Variants in RAD51D observed in about 807,000 individuals in gnomAD.
RAD51D encodes the protein RAD51 paralog D, also known as DNA repair protein RAD51 homolog 4.
A neutral mutation model predicts 44.1 loss-of-function variants in RAD51D; 38 were observed. The observed-to-expected ratio is 0.86, with a 90% CI of 0.67 to 1.13. The LOEUF is 1.13. RAD51D is among the 50% of genes most tolerant of loss of function. The pLI, the probability that RAD51D is intolerant of heterozygous loss-of-function variation, is 0.00. For synonymous variants in RAD51D, 141 were observed against 166.6 expected, an observed-to-expected ratio of 0.85 and a Z score of 1.18; for missense variants, 390 against 414.0, an observed-to-expected ratio of 0.94 and a Z score of 0.50.
In RAD51D at chr17:35,118,725, T is replaced by G. The variant is rs991663814; in HGVS notation, c.145-106A>C. 1.6e-5 allele frequency: 14 copies of G among 898,372 alleles called. No homozygotes were observed. In the African/African-American group the frequency reaches 2.3e-4, roughly 15 times the overall value. 55.7% of individuals were successfully genotyped at this position (898,372 alleles called of 1,614,324 possible). A position where few individuals can be genotyped will look rare whatever the true frequency, so the allele number is the denominator to read the frequency against. ...AATATCTGAGAACCCTCTGCTCCCT[T>G]TGGCTTGGGATGGACTTTTGTTATT... On this transcript the variant is annotated intron_variant, in intron 2 of 9. Transcript: ENST00000345365.
rs2142417455 is a variant in RAD51D, at chr17:35,103,202, A to G, written c.738+52T>C. ...AGAAGCTGACATTTAAGGGAAATAA[A>G]GAGCTCGCAATAACTAGAAATCAAG... On this transcript the variant is annotated intron_variant, in intron 8 of 9. Coordinates refer to ENST00000345365, the MANE Select transcript of RAD51D (RefSeq NM_002878.4). This position sits in a 1 kb window ranked among gnomAD's most constrained non-coding sequence, Gnocchi z 4.1. The G allele has an allele frequency of 6.5e-7, 1 of 1,529,978 alleles. No homozygotes were observed. The highest frequency in any genetic ancestry group is 1.2e-5 in the South Asian group (1 of 84,350). 94.8% of individuals were successfully genotyped at this position (1,529,978 alleles called of 1,614,324 possible).
intron 4 of RAD51D, 90 bp from the exon 5 acceptor site, chr17:35,107,212 C>T: frequency 6.5e-7 from 1 of 1,541,272 alleles, no homozygotes; most frequent in Non-Finnish European, 9.0e-7. Flanking sequence ...TCCAGCAACA[C>T]AAATGGGCTG....
chr17:35,117,212 C>A (rs1277478694), intron 3 of RAD51D, among the ~76,000 whole-genome samples: 1 of 152,210 alleles, frequency 6.6e-6, no homozygotes, highest in African/African-American at 2.4e-5. Flanking sequence ...TATGTATCAT[C>A]TGCACATACC....
At chr17:35,118,347 G>T (rs993973591) in intron 3 of RAD51D, among the ~76,000 whole-genome samples, 154 bp downstream of exon 3, 3 of 152,080 alleles carry the variant, frequency 2.0e-5, no homozygotes, top group Non-Finnish European at 2.9e-5. Flanking sequence ...CCCTGTTATA[G>T]GATAAGAATT....
rs1423192061 is a variant in RAD51D at position 35,118,584 on chromosome 17, C to A, written c.180G>T (p.Gln60His). ...LVALRRVLLA[Q>H]FSAFPVNGAD... ...CGCCATTCACGGGGAAAGCCGAGAACTGAGCCAGCAGCACCCGCCTCAGGG... is the reference window on the plus strand; with the variant it reads ...CGCCATTCACGGGGAAAGCCGAGAAATGAGCCAGCAGCACCCGCCTCAGGG... Residue 60 changes from glutamine (Q) to histidine (H), a missense_variant, in exon 3 of 10, where the codon CAG (glutamine) becomes CAT (histidine). Coordinates refer to ENST00000345365, the MANE Select transcript of RAD51D (RefSeq NM_002878.4). 2 of 1,614,184 alleles carry A rather than the reference C, an allele frequency of 1.2e-6. No individual in the cohort carries two copies. Among genetic ancestry groups the A allele is most frequent in the Non-Finnish European group, 1.7e-6 (2 of 1,180,044 alleles).
At position 35,112,739 on chromosome 17, in the gene RAD51D, A is replaced by G. The variant is rs553659134; in HGVS notation, c.264-5292T>C. ...GTTCACTGTGAGTATAGAGAAATGC[A>G]GTTGATTTGTATGTGTTGGTCTTGT... is the stretch of plus-strand genomic sequence containing the variant. On this transcript the variant is annotated intron_variant, in intron 3 of 9. Transcript: ENST00000345365. Among the ~76,000 whole-genome samples the G allele has an allele frequency of 3.9e-4, 60 of 152,290 alleles. 1 individual carries two copies. In the South Asian group the frequency reaches 0.012, roughly 29 times the overall value.
Position 35,106,990 on chromosome 17 carries a change from G to A in RAD51D, c.478C>T (p.Gln160Ter), listed in dbSNP as rs1057521922. Residue 160 changes from glutamine to a stop codon, truncating the protein, a stop_gained and splice_region_variant, in exon 5 of 10, where the codon CAG becomes TAG. Coordinates refer to ENST00000345365, the MANE Select transcript of RAD51D (RefSeq NM_002878.4). LOFTEE classifies it high-confidence loss of function. The part of the protein sequence containing the change: ...LQAKTQDEEE[Q>*]AEALRRIQVV... ...GGAACCCAGCATCCTGCCCTTACCT[G>A]TTCCTCCTCATCCTGGGTTTTAGCC... is the stretch of plus-strand genomic sequence containing the variant. The A allele has an allele frequency of 9.3e-6, 15 of 1,614,188 alleles. No individual in the cohort carries two copies. Among genetic ancestry groups the A allele is most frequent in the Non-Finnish European group, 1.3e-5 (15 of 1,180,038 alleles).
chr17:35,111,178 A>G (rs2142448384), intron 3 of RAD51D, among the ~76,000 whole-genome samples: 1 of 152,078 alleles, frequency 6.6e-6, no homozygotes, highest in African/African-American at 2.4e-5. Context: ...CAGGAGTTCG[A>G]GACCAGCCTG....
intron 1 of RAD51D, 161 bp from the exon 2 acceptor site, chr17:35,119,333 T>G (rs1363228958): frequency 7.8e-6 from 7 of 898,228 alleles, no homozygotes; most frequent in African/African-American, 4.9e-5. Flanking sequence ...CGCGGTGCCC[T>G]GCACACAGTA....
Position 35,117,486 on chromosome 17 carries a change from G to A in RAD51D, c.263+1015C>T, listed in dbSNP as rs546648511. On this transcript the variant is annotated intron_variant, in intron 3 of 9. Transcript: ENST00000345365. ...TCCCCAACCCACCAAACAACGTGGC[G>A]GGACATAACTGCTCCTTTTTTTTGA... 3.3e-5 allele frequency among the ~76,000 whole-genome samples: 5 copies of A among 152,198 alleles called. No individual in the cohort carries two copies. The East Asian group carries it at 7.7e-4, about 24-fold the overall frequency.
At position 35,119,518 on chromosome 17, in the gene RAD51D, GC is replaced by G. The variant is rs769576434; in HGVS notation, c.82+13del. ...AGGCCCGCGCGGCTCCCTGGCACGC[GC>G]ACACCCGGTCACCTGTCTTGATCCT... On this transcript the variant is annotated intron_variant, in intron 1 of 9. Transcript: ENST00000345365. 1.2e-6 allele frequency: 2 copies of G among 1,610,204 alleles called. No individual in the cohort carries two copies. The highest frequency in any genetic ancestry group is 4.5e-5 in the East Asian group (2 of 44,860).
chr17:35,118,830 C>A (rs2091782648), intron 2 of RAD51D, among the ~76,000 whole-genome samples: 1 of 152,206 alleles, frequency 6.6e-6, no homozygotes, highest in Admixed American at 6.5e-5. Context: ...GCAACCTCTG[C>A]CTCCCGGGCT....
intron 3 of RAD51D, among the ~76,000 whole-genome samples, chr17:35,108,575 A>T (rs1328511030): frequency 6.6e-6 from 1 of 150,890 alleles, no homozygotes; most frequent in African/African-American, 2.4e-5. Flanking sequence ...CTATCCACAG[A>T]GCTTATTCAG....
rs1344303951 is a variant in RAD51D at position 35,100,516 on chromosome 17, G to A, written c.*437C>T. The A allele has an allele frequency of 1.9e-6, 1 of 537,708 alleles. No homozygotes were observed. The highest frequency in any genetic ancestry group is 3.9e-5 in the East Asian group (1 of 25,836). The allele number at this position is 537,708 out of a possible 1,614,324, so 33.3% of individuals were successfully genotyped here. The stretch of plus-strand genomic sequence containing the variant: ...TGGGCCCCCATCTAACAAATGGAAA[G>A]GCAGAGACAAAAGAAAAAAAAGGCA... On this transcript the variant is annotated 3_prime_UTR_variant, in exon 10 of 10. Transcript: ENST00000345365.
At chr17:35,107,987 C>T (rs1057371111) in intron 3 of RAD51D, among the ~76,000 whole-genome samples, 2 of 151,732 alleles carry the variant, frequency 1.3e-5, no homozygotes, top group African/African-American at 2.4e-5. Context: ...TGACCTCAAG[C>T]GATCCACCCA....
Position 35,119,525 on chromosome 17 carries a change from C to G in RAD51D, c.82+7G>C, listed in dbSNP as rs1567736277. 6.2e-7 allele frequency: 1 copy of G among 1,611,218 alleles called. No individual in the cohort carries two copies. On this transcript the variant is annotated splice_region_variant and intron_variant, in intron 1 of 9. Transcript: ENST00000345365. ...CGCGGCTCCCTGGCACGCGCACACC[C>G]GGTCACCTGTCTTGATCCTGTGGCT... is the stretch of plus-strand genomic sequence containing the variant.
chr17:35,101,640 C>T (rs1193370778), intron 8 of RAD51D, among the ~76,000 whole-genome samples: 2 of 152,146 alleles, frequency 1.3e-5, no homozygotes, highest in African/African-American at 4.8e-5. Context: ...AACTCTTGAG[C>T]TCATGCAGTC....
intron 1 of RAD51D, 167 bp from the exon 2 acceptor site, chr17:35,119,339 C>G: frequency 1.1e-6 from 1 of 888,688 alleles, no homozygotes; most frequent in East Asian, 2.6e-5. Flanking sequence ...GCCCTGCACA[C>G]AGTAGGAATC....
At chr17:35,115,324 T>C (rs763724326) in intron 3 of RAD51D, 2 of 514,556 alleles carry the variant, frequency 3.9e-6, no homozygotes, top group Non-Finnish European at 7.8e-6. Flanking sequence ...GACTGTGGGA[T>C]GAACAGACCT....
Sources: gnomAD v4.1 joint callset for allele counts (sites outside exome capture counted in the v4.1 genomes callset) on GRCh38, gnomAD v4.1.1 for gene constraint, Gnocchi (gnomAD v3.1) non-coding constraint, MANE v1.5 for transcripts, NCBI Gene and HGNC (gene_info 2026-07-23, HGNC 2026-07-21) for gene names.